The following TENM2 variants were observed in gnomAD, a reference collection of about 807,000 sequenced individuals.
TENM2 encodes teneurin-2.
A neutral mutation model predicts 245.2 loss-of-function variants in TENM2; 52 were observed. The ratio of observed to expected loss-of-function variants is 0.21; its 90% CI spans 0.17 to 0.27. The LOEUF (loss-of-function observed/expected upper bound fraction) is 0.27. TENM2 is among the 10% of genes least tolerant of loss of function. The pLI, the probability that TENM2 is intolerant of heterozygous loss-of-function variation, is 1.00. For missense variants in TENM2, 3,046 were observed against 3,666.8 expected (o/e 0.83, Z 4.37); for synonymous variants, 1,363 against 1,438.9 (o/e 0.95, Z 1.19).
intron 4 of TENM2, among the ~76,000 whole-genome samples, chr5:167,973,874 T>A (rs1425599151): frequency 6.6e-6 from 1 of 151,660 alleles, no homozygotes; most frequent in Admixed American, 6.6e-5. Flanking sequence ...CCAAAAGGGA[T>A]GTACACAAAG....
the TENM2 span, among the ~76,000 whole-genome samples, chr5:167,041,644 C>A: frequency 2.2e-4 from 33 of 152,258 alleles, no homozygotes; most frequent in Admixed American, 1.5e-3. Context: ...ATTTTAATTT[C>A]AGCACATGCA....
At chr5:168,081,676 T>C (rs1792012629) in intron 7 of TENM2, among the ~76,000 whole-genome samples, 1 of 152,238 alleles carries the variant, frequency 6.6e-6, no homozygotes, top group Admixed American at 6.5e-5. Context: ...ATTTTATTTC[T>C]TCTTCACTTA....
chr5:167,759,306 A>G (rs2150697314), intron 2 of TENM2, among the ~76,000 whole-genome samples: 1 of 152,120 alleles, frequency 6.6e-6, no homozygotes, highest in Middle Eastern at 3.4e-3. Context: ...CTTAGCACAT[A>G]TGAGGGTGTT....
intron 2 of TENM2, among the ~76,000 whole-genome samples, chr5:167,819,752 A>T (rs1212518737): frequency 2.0e-5 from 3 of 152,130 alleles, no homozygotes; most frequent in Non-Finnish European, 4.4e-5. Context: ...TGCAACTTGG[A>T]GAACTGTTCA....
At chr5:167,727,685 A>C (rs564966408) in intron 2 of TENM2, among the ~76,000 whole-genome samples, 2 of 152,242 alleles carry the variant, frequency 1.3e-5, no homozygotes, top group African/African-American at 4.8e-5. Flanking sequence ...GATACTTTAC[A>C]TGTATTTTAT....
chr5:167,314,639 A>G (rs1031764059), intron 1 of TENM2, among the ~76,000 whole-genome samples: 4 of 152,162 alleles, frequency 2.6e-5, no homozygotes, highest in Admixed American at 2.6e-4. Flanking sequence ...CAAAACTAGG[A>G]CATCACCATC....
intron 2 of TENM2, among the ~76,000 whole-genome samples, chr5:167,402,667 C>G (rs1211014926): frequency 6.6e-6 from 1 of 152,060 alleles, no homozygotes; most frequent in African/African-American, 2.4e-5. Context: ...GAATGGACAT[C>G]ATGATACACC....
At chr5:167,898,537 CCA>C (rs1340656106) in intron 3 of TENM2, among the ~76,000 whole-genome samples, 1 of 152,130 alleles carries the variant, frequency 6.6e-6, no homozygotes, top group East Asian at 1.9e-4. Flanking sequence ...AGCCTGGACA[CCA>C]CAGTGTTTAA....
At chr5:168,061,235 A>G (rs1209147175) in intron 6 of TENM2, among the ~76,000 whole-genome samples, 1 of 152,130 alleles carries the variant, frequency 6.6e-6, no homozygotes, top group East Asian at 1.9e-4. Context: ...CATTTTAGAG[A>G]TAAGGAAAAT....
chr5:167,261,908 G>A, the TENM2 span, among the ~76,000 whole-genome samples: 1 of 152,126 alleles, frequency 6.6e-6, no homozygotes. Flanking sequence ...CCTCCAGGGG[G>A]AGACTCTAAC....
intron 2 of TENM2, among the ~76,000 whole-genome samples, chr5:167,604,333 A>G (rs528763037): frequency 1.3e-5 from 2 of 152,302 alleles, no homozygotes; most frequent in East Asian, 1.9e-4. Context: ...TGAAACTCAA[A>G]TTGAATAGTT....
the TENM2 span, among the ~76,000 whole-genome samples, chr5:167,104,268 A>G: frequency 0.028 from 4,224 of 152,272 alleles, 90 homozygotes; most frequent in South Asian, 0.077. Flanking sequence ...GAAAAGAGAC[A>G]ACATGTTTTG....
chr5:168,203,619 A>T (rs899082034), intron 17 of TENM2, 70 bp from the exon 20 acceptor site: 68 of 1,412,230 alleles, frequency 4.8e-5, no homozygotes, highest in Non-Finnish European at 6.5e-5. Flanking sequence ...CATTCTTGCT[A>T]CAGAGCTCTG....
chr5:168,168,490 G>A (rs926057267), intron 13 of TENM2, among the ~76,000 whole-genome samples: 5 of 152,048 alleles, frequency 3.3e-5, no homozygotes, highest in East Asian at 1.9e-4. Flanking sequence ...GACCAGCCTC[G>A]GCAACATGGT....
chr5:167,244,517 AG>A, the TENM2 span, among the ~76,000 whole-genome samples: 1 of 152,208 alleles, frequency 6.6e-6, no homozygotes, highest in South Asian at 2.1e-4. Flanking sequence ...CCAGAAATAT[AG>A]CTGTGTTCCT....
chr5:168,204,315 T>C, intron 18 of TENM2, 57 bp from the exon 21 acceptor site: 1 of 1,567,908 alleles, frequency 6.4e-7, no homozygotes, highest in South Asian at 1.2e-5. Context: ...AGTTGGCCAA[T>C]ACACATGTCT....
intron 12 of TENM2, among the ~76,000 whole-genome samples, chr5:168,154,162 A>AAAAAAAAAAAAAAAAAAAAAAAC: frequency 6.7e-6 from 1 of 150,282 alleles, no homozygotes; most frequent in Non-Finnish European, 1.5e-5. Flanking sequence ...AAAAAAAAAA[A>AAAAAAAAAAAAAAAAAAAAAAAC]AAAACAGTAA....
At position 168,227,516 on chromosome 5, in the gene TENM2, CTT is replaced by C. The variant is rs56834297; in HGVS notation, c.5285-363_5285-362del. Among the ~76,000 whole-genome samples, 810 of 130,582 alleles carry C rather than the reference CTT, an allele frequency of 6.2e-3. 7 individuals are homozygous for C. The highest frequency in any genetic ancestry group is 0.02 in the African/African-American group (721 of 36,028). 85.7% of individuals were successfully genotyped at this position (130,582 alleles called of 152,430 possible). A position where few individuals can be genotyped will look rare whatever the true frequency, so the allele number is the denominator to read the frequency against. ...AGGAAAACTGAAGTCATTTGCCTTT[CTT>C]TTTTTTTTTTTTTTTCCTGGTATAA... On this transcript the variant is annotated intron_variant, in intron 24 of 28. Coordinates refer to ENST00000518659, the Ensembl canonical transcript of TENM2.
At chr5:167,101,853 A>ATATATATATATATATATATATATT in the TENM2 span, among the ~76,000 whole-genome samples, 19 of 122,748 alleles carry the variant, frequency 1.5e-4, no homozygotes, top group East Asian at 3.7e-3. Context: ...ATATATTTAT[A>ATATATATATATATATATATATATT]TATATATATA....
Sources: gnomAD v4.1 joint callset for allele counts (sites outside exome capture counted in the v4.1 genomes callset) on GRCh38, gnomAD v4.1.1 for gene constraint, MANE v1.5 for transcripts, NCBI Gene and HGNC (gene_info 2026-07-23, HGNC 2026-07-21) for gene names.